CMTM4: variants seen among roughly 807,000 people sequenced by gnomAD.
CMTM4 encodes the protein CKLF like MARVEL transmembrane domain containing 4, also known as CKLF-like MARVEL transmembrane domain-containing protein 4.
Under a neutral mutation model 19.0 loss-of-function variants are expected in CMTM4, and 8 were observed. The observed-to-expected ratio is 0.42, with a 90% CI of 0.25 to 0.76. The LOEUF (loss-of-function observed/expected upper bound fraction) is 0.76, where lower values mean the gene tolerates loss of function less well. CMTM4 is among the 30% of genes least tolerant of loss of function. CMTM4 has a pLI of 0.27. For synonymous variants in CMTM4, 106 were observed against 121.1 expected, an observed-to-expected ratio of 0.88 and a Z score of 0.82; for missense variants, 228 against 290.2, an observed-to-expected ratio of 0.79 and a Z score of 1.56.
chr16:66,610,954 G>A (rs1250867147), downstream of CMTM4: 7 of 398,374 alleles, frequency 1.8e-5, no homozygotes, highest in Admixed American at 3.1e-4. The surrounding 1 kb of genome is among the most constrained non-coding windows in gnomAD (Gnocchi z 4.6). Flanking sequence ...TTAGGTTAGA[G>A]CTCCCAGGCG....
chr16:66,636,206 C>T (rs536341557), intron 2 of CMTM4, among the ~76,000 whole-genome samples, 199 bp downstream of exon 2: 4 of 152,294 alleles, frequency 2.6e-5, no homozygotes, highest in Admixed American at 2.6e-4. Context: ...TGATGTTTCT[C>T]CCATTAGTTA....
At chr16:66,605,017 C>A in the CMTM4 span, 1 of 1,335,734 alleles carries the variant, frequency 7.5e-7, no homozygotes, top group Non-Finnish European at 9.6e-7. The surrounding 1 kb of genome is among the most constrained non-coding windows in gnomAD (Gnocchi z 4.6). Context: ...AGGAGGACGT[C>A]GGGGCGCGGG....
At chr16:66,642,069 C>CA (rs2016105994) in intron 1 of CMTM4, among the ~76,000 whole-genome samples, 1 of 152,114 alleles carries the variant, frequency 6.6e-6, no homozygotes, top group South Asian at 2.1e-4. Flanking sequence ...CTGTTACAAG[C>CA]AAAACATTTT....
chr16:66,626,797 A>AAAAAAAG (rs2015749130), intron 2 of CMTM4, among the ~76,000 whole-genome samples: 1 of 151,712 alleles, frequency 6.6e-6, no homozygotes, highest in Non-Finnish European at 1.5e-5. Context: ...AAAAAAAGGA[A>AAAAAAAG]AAAAAAGAAA....
At chr16:66,609,403 G>T in the CMTM4 span, 4 of 1,592,534 alleles carry the variant, frequency 2.5e-6, no homozygotes, top group Admixed American at 3.4e-5. The surrounding 1 kb of genome is among the most constrained non-coding windows in gnomAD (Gnocchi z 4.4). Flanking sequence ...TCAGCTCCAG[G>T]GGCTCAGGGC....
intron 1 of CMTM4, among the ~76,000 whole-genome samples, chr16:66,647,163 A>AAT (rs1160726202): frequency 6.6e-6 from 1 of 151,500 alleles, no homozygotes; most frequent in East Asian, 2.0e-4. Context: ...AAAAAAAAAA[A>AAT]AATACAAAAA....
chr16:66,631,454 G>A (rs980806396), intron 2 of CMTM4, among the ~76,000 whole-genome samples: 2 of 152,234 alleles, frequency 1.3e-5, no homozygotes, highest in Non-Finnish European at 2.9e-5. Context: ...TTGAGAACGG[G>A]CCATGATGAC....
chr16:66,656,895 T>C (rs1177198520), intron 1 of CMTM4, among the ~76,000 whole-genome samples: 2 of 152,120 alleles, frequency 1.3e-5, no homozygotes, highest in African/African-American at 4.8e-5. Flanking sequence ...GCCTGTATTC[T>C]TCAACTGTCA....
intron 1 of CMTM4, among the ~76,000 whole-genome samples, chr16:66,690,664 G>A (rs569499478): frequency 5.9e-5 from 9 of 152,176 alleles, no homozygotes; most frequent in Admixed American, 2.6e-4. Flanking sequence ...TTTGAGTTAC[G>A]TAAGAAAGCA....
At chr16:66,598,390 T>C in the CMTM4 span, among the ~76,000 whole-genome samples, 3 of 152,128 alleles carry the variant, frequency 2.0e-5, no homozygotes, top group Non-Finnish European at 4.4e-5. Context: ...TCAGCTTCTC[T>C]AGTTCAGTGC....
intron 2 of CMTM4, among the ~76,000 whole-genome samples, chr16:66,630,536 T>C (rs791477): frequency 0.048 from 7,317 of 151,598 alleles, 290 homozygotes; most frequent in Admixed American, 0.11. Flanking sequence ...GACGGGGTTT[T>C]GCTGTGTTGG....
In CMTM4 at chr16:66,683,209, A is replaced by G. The variant is rs1323834629; in HGVS notation, c.186+13131T>C. ...TATATATATACATATATATATATAT[A>G]TAAATTTTCCCCATGGATTCCATGT... On this transcript the variant is annotated intron_variant, in intron 1 of 3. Coordinates refer to ENST00000394106, the MANE Select transcript of CMTM4 (RefSeq NM_181521.3). 7.2e-5 allele frequency among the ~76,000 whole-genome samples: 10 copies of G among 138,186 alleles called. No individual in the cohort carries two copies. In the South Asian group the frequency reaches 1.8e-3, roughly 25 times the overall value. 90.7% of individuals were successfully genotyped at this position (138,186 alleles called of 152,430 possible).
chr16:66,681,822 C>A (rs575277498), intron 1 of CMTM4, among the ~76,000 whole-genome samples: 4 of 152,178 alleles, frequency 2.6e-5, no homozygotes, highest in Non-Finnish European at 5.9e-5. Context: ...CCCTTCCATA[C>A]CTTTGCCTGG....
Position 66,615,780 on chromosome 16 carries a change from C to T in CMTM4, c.*6278G>A, listed in dbSNP as rs1177722089. The T allele has an allele frequency of 6.6e-6, 1 of 152,218 alleles. No individual in the cohort carries two copies. The highest frequency in any genetic ancestry group is 1.5e-5 in the Non-Finnish European group (1 of 68,054). The allele number at this position is 152,218 out of a possible 1,614,324, so 9.4% of individuals were successfully genotyped here. On this transcript the variant is annotated 3_prime_UTR_variant, in exon 4 of 4. Transcript: ENST00000394106. This position sits in a 1 kb window ranked among gnomAD's most constrained non-coding sequence, Gnocchi z 4.9. ...ACACCGGCCTCTCACCATTTTACAC[C>T]CAAAGACAGGAGGTCAGGGCTCTGA...
intron 1 of CMTM4, among the ~76,000 whole-genome samples, chr16:66,683,139 A>G (rs1567431968): frequency 7.7e-6 from 1 of 130,066 alleles, no homozygotes; most frequent in Non-Finnish European, 1.6e-5. Context: ...GTATATATAT[A>G]TATATATGTA....
At position 66,668,953 on chromosome 16, in the gene CMTM4, G is replaced by A. The variant is rs146089290; in HGVS notation, c.186+27387C>T. Among the ~76,000 whole-genome samples the A allele has an allele frequency of 3.8e-3, 581 of 152,236 alleles. 4 individuals carry two copies. Among genetic ancestry groups the A allele is most frequent in the African/African-American group, 0.012 (495 of 41,562 alleles). On this transcript the variant is annotated intron_variant, in intron 1 of 3. Coordinates refer to ENST00000394106, the MANE Select transcript of CMTM4 (RefSeq NM_181521.3). Reference sequence around the variant, plus strand: ...AGCTGTTTCCTGTACAGTGAAACACGTACTCTATGACCCAGCAATTTCACT... The same window carrying A: ...AGCTGTTTCCTGTACAGTGAAACACATACTCTATGACCCAGCAATTTCACT...
At chr16:66,637,280 CATGCCTGTAAT>C (rs1398971004) in intron 1 of CMTM4, among the ~76,000 whole-genome samples, 78 of 152,292 alleles carry the variant, frequency 5.1e-4, no homozygotes, top group Non-Finnish European at 2.8e-4. Context: ...CACGGGGGCT[CATGCCTGTAAT>C]CCCAGTACTT....
intron 2 of CMTM4, among the ~76,000 whole-genome samples, chr16:66,629,234 G>T (rs1347000350): frequency 6.6e-6 from 1 of 152,070 alleles, no homozygotes; most frequent in Non-Finnish European, 1.5e-5. Flanking sequence ...TGTGCTAGGT[G>T]GCTGGCTCTA....
At chr16:66,653,279 T>C (rs1289057848) in intron 1 of CMTM4, among the ~76,000 whole-genome samples, 2 of 152,170 alleles carry the variant, frequency 1.3e-5, no homozygotes, top group Non-Finnish European at 2.9e-5. Flanking sequence ...TAAAGATTGA[T>C]TTCAGCCAAA....
Sources: allele counts gnomAD v4.1 joint callset (sites outside exome capture counted in the v4.1 genomes callset), GRCh38; gene constraint gnomAD v4.1.1; non-coding constraint Gnocchi (gnomAD v3.1); transcripts MANE v1.5; gene names NCBI Gene and HGNC (gene_info 2026-07-23, HGNC 2026-07-21).